Variants in SLC15A5 observed in about 807,000 individuals in gnomAD.
SLC15A5 encodes the protein solute carrier family 15 member 5, also known as Peptide/histidine transporter ENSP00000340402.
A neutral mutation model predicts 56.1 loss-of-function variants in SLC15A5; 58 were observed. That is an observed-to-expected ratio of 1.03 (90% CI 0.84 to 1.29). The LOEUF (loss-of-function observed/expected upper bound fraction) is 1.29. Among genes scored for constraint, SLC15A5 ranks in the 50% most tolerant of loss-of-function variants. The pLI is 0.00. For synonymous variants in SLC15A5, 264 were observed against 250.5 expected, an observed-to-expected ratio of 1.05 and a Z score of -0.51; for missense variants, 681 against 672.1, an observed-to-expected ratio of 1.01 and a Z score of -0.15.
chr12:16,272,693 T>C lies in SLC15A5; in HGVS notation c.452A>G (p.Gln151Arg). ...CAGTGCTACATAAAACAGCCTGTGC[T>C]GCTCTGTTTTTGGTATGTTGTTAAC... ...HAVNNIPKTE[Q>R]HRLFYVALLT... Residue 151 changes from glutamine to arginine, a missense_variant, in exon 2 of 9, where the codon CAG becomes CGG. By Grantham distance (43) the Gln-to-Arg change is conservative. Coordinates refer to ENST00000344941, the MANE Select transcript of SLC15A5 (RefSeq NM_001170798.1). The C allele has an allele frequency of 6.5e-7, 1 of 1,537,252 alleles. No homozygotes were observed. The highest frequency in any genetic ancestry group is 8.7e-7 in the Non-Finnish European group (1 of 1,146,782).
intron 6 of SLC15A5, among the ~76,000 whole-genome samples, chr12:16,220,922 C>A (rs1230552528): frequency 6.6e-6 from 1 of 152,076 alleles, no homozygotes; most frequent in South Asian, 2.1e-4. Flanking sequence ...GGGTATGAGA[C>A]AGCTGAGGTG....
Position 16,246,012 on chromosome 12 carries a change from G to A in SLC15A5, c.755-1212C>T, listed in dbSNP as rs554021766. Among the ~76,000 whole-genome samples the A allele has an allele frequency of 1.6e-3, 236 of 152,256 alleles. 9 individuals are homozygous for A. In the South Asian group the frequency reaches 0.037, roughly 24 times the overall value. On this transcript the variant is annotated intron_variant, in intron 3 of 8. Transcript: ENST00000344941. ...CTTTGATTAATTGAGGAAGCTGGGG[G>A]CCTGGTAATTGAATATGGAGCCTTT...
chr12:16,242,931 T>A lies in SLC15A5; in HGVS notation c.975+1649A>T, dbSNP rs192616636. Among the ~76,000 whole-genome samples, 13 of 152,356 alleles carry A rather than the reference T, an allele frequency of 8.5e-5. No homozygotes were observed. The East Asian group carries it at 2.1e-3, about 25-fold the overall frequency. Reference sequence around the variant, plus strand: ...TATGGGTAATATTTCTGCTGTATTCTGTTTTTGTGCCTACTGCTATTATAG... The same window carrying A: ...TATGGGTAATATTTCTGCTGTATTCAGTTTTTGTGCCTACTGCTATTATAG... On this transcript the variant is annotated intron_variant, in intron 4 of 8. Coordinates refer to ENST00000344941, the MANE Select transcript of SLC15A5 (RefSeq NM_001170798.1).
At position 16,226,126 on chromosome 12, in the gene SLC15A5, T is replaced by C. The variant is rs553907155; in HGVS notation, c.1163-1524A>G. Among the ~76,000 whole-genome samples, 13 of 152,362 alleles carry C rather than the reference T, an allele frequency of 8.5e-5. No individual in the cohort carries two copies. In the East Asian group the frequency reaches 2.5e-3, roughly 29 times the overall value. On this transcript the variant is annotated intron_variant, in intron 5 of 8. Transcript: ENST00000344941. ...ATTCCTGCTGCTCAAGTGTATTATG[T>C]AAAACGGCTTTGTATTTATTTGCAC...
In SLC15A5 at chr12:16,245,948, T is replaced by A. The variant is rs913235486; in HGVS notation, c.755-1148A>T. On this transcript the variant is annotated intron_variant, in intron 3 of 8. Transcript: ENST00000344941. ...AAGTGGTTAGATTGATTTGATCTGG[T>A]CTTTTCTTCAAGAGTTGTAATAGAC... Among the ~76,000 whole-genome samples, 4 of 152,232 alleles carry A rather than the reference T, an allele frequency of 2.6e-5. No homozygotes were observed. The East Asian group carries it at 7.7e-4, about 29-fold the overall frequency.
At chr12:16,198,958 C>T (rs1368883948) in intron 7 of SLC15A5, among the ~76,000 whole-genome samples, 1 of 152,076 alleles carries the variant, frequency 6.6e-6, no homozygotes, top group African/African-American at 2.4e-5. Context: ...TGTTCCCCTG[C>T]TTTCATTAGA....
intron 5 of SLC15A5, among the ~76,000 whole-genome samples, chr12:16,227,886 G>A (rs7314660): frequency 0.54 from 81,741 of 151,924 alleles, 22,294 homozygotes; most frequent in South Asian, 0.73. Context: ...ATCTGGTAAC[G>A]TATAATGGGG....
At position 16,188,498 on chromosome 12, in the gene SLC15A5, A is replaced by G. The variant is rs1401201413; in HGVS notation, c.*1170T>C. On this transcript the variant is annotated 3_prime_UTR_variant, in exon 9 of 9. Transcript: ENST00000344941. The stretch of plus-strand genomic sequence containing the variant: ...TAGCATACCTAATCAAGTTGAGTAA[A>G]TCTTTTATTCTACAGACCTAAAATA... The G allele has an allele frequency of 6.6e-6, 1 of 152,254 alleles. No individual in the cohort carries two copies. Among genetic ancestry groups the G allele is most frequent in the African/African-American group, 2.4e-5 (1 of 41,476 alleles). The allele number at this position is 152,254 out of a possible 1,614,324, so 9.4% of individuals were successfully genotyped here.
intron 6 of SLC15A5, among the ~76,000 whole-genome samples, chr12:16,221,626 C>T (rs1864188587): frequency 6.6e-6 from 1 of 152,122 alleles, no homozygotes; most frequent in African/African-American, 2.4e-5. Flanking sequence ...ATCTCTAAAA[C>T]TCTACTGTGG....
intron 6 of SLC15A5, among the ~76,000 whole-genome samples, chr12:16,223,261 A>G (rs1864205988): frequency 1.3e-5 from 2 of 152,174 alleles, no homozygotes; most frequent in African/African-American, 4.8e-5. Flanking sequence ...TCTAAAATCC[A>G]TGTGCCAGTT....
intron 7 of SLC15A5, among the ~76,000 whole-genome samples, chr12:16,206,587 G>A (rs1864021996): frequency 6.6e-6 from 1 of 152,074 alleles, no homozygotes; most frequent in Non-Finnish European, 1.5e-5. Context: ...AAGAAACAAA[G>A]GCACAGAGCA....
chr12:16,261,106 A>G (rs1864639277), intron 2 of SLC15A5, among the ~76,000 whole-genome samples: 1 of 152,114 alleles, frequency 6.6e-6, no homozygotes, highest in Admixed American at 6.5e-5. Flanking sequence ...TAAACTGCAT[A>G]TATTTGAAGT....
At chr12:16,270,344 C>T (rs1014450696) in intron 2 of SLC15A5, among the ~76,000 whole-genome samples, 1 of 152,114 alleles carries the variant, frequency 6.6e-6, no homozygotes, top group Non-Finnish European at 1.5e-5. Context: ...CAAGTGGTTA[C>T]AGATTCAAGG....
intron 7 of SLC15A5, among the ~76,000 whole-genome samples, chr12:16,198,601 C>T (rs2136238994): frequency 6.6e-6 from 1 of 152,260 alleles, no homozygotes; most frequent in Middle Eastern, 3.4e-3. Context: ...TTAACATCTT[C>T]TCAACAGTTT....
chr12:16,211,242 A>G (rs1398974410), intron 7 of SLC15A5, among the ~76,000 whole-genome samples: 1 of 152,192 alleles, frequency 6.6e-6, no homozygotes, highest in African/African-American at 2.4e-5. Flanking sequence ...ATGCATAAAT[A>G]TTTTCTTCAA....
chr12:16,259,385 CCTT>C (rs1864616978), intron 2 of SLC15A5, among the ~76,000 whole-genome samples: 1 of 151,288 alleles, frequency 6.6e-6, no homozygotes, highest in East Asian at 2.0e-4. Context: ...CTTGTTCCTT[CCTT>C]CTTTCCTTCC....
intron 6 of SLC15A5, among the ~76,000 whole-genome samples, chr12:16,220,329 ACT>A (rs1864173767): frequency 6.6e-6 from 1 of 151,872 alleles, no homozygotes; most frequent in Non-Finnish European, 1.5e-5. Flanking sequence ...TCATTGTCAC[ACT>A]CTCTGGTACT....
intron 7 of SLC15A5, among the ~76,000 whole-genome samples, chr12:16,208,940 A>G (rs1338617762): frequency 6.6e-6 from 1 of 151,688 alleles, no homozygotes; most frequent in Non-Finnish European, 1.5e-5. Flanking sequence ...CTCCACCCAC[A>G]TCCCCTTCTA....
At chr12:16,211,201 C>G (rs182750056) in intron 7 of SLC15A5, among the ~76,000 whole-genome samples, 1 of 152,180 alleles carries the variant, frequency 6.6e-6, no homozygotes, top group Non-Finnish European at 1.5e-5. Flanking sequence ...TAGGTATGAG[C>G]CCATGAAATG....
Sources: gnomAD v4.1 joint callset for allele counts (sites outside exome capture counted in the v4.1 genomes callset) on GRCh38, gnomAD v4.1.1 for gene constraint, MANE v1.5 for transcripts, NCBI Gene and HGNC (gene_info 2026-07-23, HGNC 2026-07-21) for gene names.